Variants in ZFAND6 observed in about 807,000 individuals in gnomAD.
ZFAND6 encodes zinc finger AN1-type containing 6.
ZFAND6 carries 12 observed loss-of-function variants against 24.5 expected under a neutral mutation model. The ratio of observed to expected loss-of-function variants is 0.49; its 90% CI spans 0.31 to 0.79. The LOEUF (loss-of-function observed/expected upper bound fraction) is 0.79, where lower values mean the gene tolerates loss of function less well. Among genes scored for constraint, ZFAND6 ranks in the 30% least tolerant of loss-of-function variants. ZFAND6 has a pLI of 0.04. For synonymous variants in ZFAND6, 92 were observed against 81.5 expected, an observed-to-expected ratio of 1.13 and a Z score of -0.69; for missense variants, 207 against 245.9, an observed-to-expected ratio of 0.84 and a Z score of 1.06.
intron 1 of ZFAND6, among the ~76,000 whole-genome samples, chr15:80,096,999 A>ATT (rs766620204): frequency 1.1e-3 from 153 of 138,756 alleles, no homozygotes; most frequent in African/African-American, 3.5e-3. Context: ...AATGTGTTAG[A>ATT]TTTTTTTTTT....
chr15:80,096,210 A>G (rs1224847682), intron 1 of ZFAND6, among the ~76,000 whole-genome samples: 40 of 152,250 alleles, frequency 2.6e-4, no homozygotes, highest in Admixed American at 2.6e-3. Context: ...TTAAGCGTGC[A>G]TGTAAAACTC....
intron 1 of ZFAND6, among the ~76,000 whole-genome samples, chr15:80,087,474 G>C (rs1412244176): frequency 6.6e-6 from 1 of 152,158 alleles, no homozygotes; most frequent in Non-Finnish European, 1.5e-5. Context: ...TCATTCCAAT[G>C]CTCATTCTCC....
intron 2 of ZFAND6, chr15:80,112,932 A>T (rs1476422285): frequency 4.5e-6 from 2 of 448,278 alleles, no homozygotes; most frequent in African/African-American, 4.0e-5. Context: ...TCTGGGATCC[A>T]TTTGATACAA....
intron 2 of ZFAND6, among the ~76,000 whole-genome samples, chr15:80,110,968 T>C (rs776079857): frequency 6.6e-6 from 1 of 152,102 alleles, no homozygotes; most frequent in Non-Finnish European, 1.5e-5. Context: ...GCAAATGAAA[T>C]GGTCTTCCTG....
chr15:80,082,414 A>G (rs890673294), intron 1 of ZFAND6, among the ~76,000 whole-genome samples: 1 of 152,222 alleles, frequency 6.6e-6, no homozygotes, highest in Non-Finnish European at 1.5e-5. Flanking sequence ...GGACAAATTG[A>G]CAAAGGTTAT....
At chr15:80,119,378 A>C (rs1231361838) in intron 2 of ZFAND6, among the ~76,000 whole-genome samples, 1 of 152,212 alleles carries the variant, frequency 6.6e-6, no homozygotes, top group East Asian at 1.9e-4. Flanking sequence ...ATCAGGGAAA[A>C]ACACTAGCTT....
At chr15:80,116,706 C>T (rs1477018936) in intron 2 of ZFAND6, among the ~76,000 whole-genome samples, 1 of 152,148 alleles carries the variant, frequency 6.6e-6, no homozygotes, top group African/African-American at 2.4e-5. Context: ...TGAAACCATA[C>T]AAGACAAGCT....
At chr15:80,067,797 A>G (rs1366168144) in intron 1 of ZFAND6, among the ~76,000 whole-genome samples, 3 of 152,086 alleles carry the variant, frequency 2.0e-5, no homozygotes, top group Non-Finnish European at 4.4e-5. Context: ...GACTATTGAG[A>G]TATGGCAAGT....
intron 5 of ZFAND6, among the ~76,000 whole-genome samples, chr15:80,123,643 TATA>T (rs1220696305): frequency 6.6e-6 from 1 of 152,230 alleles, no homozygotes; most frequent in African/African-American, 2.4e-5. Context: ...GGCTTGTGCC[TATA>T]ATCCCTACCT....
chr15:80,071,311 A>T (rs1342043085), intron 1 of ZFAND6, among the ~76,000 whole-genome samples: 1 of 152,192 alleles, frequency 6.6e-6, no homozygotes, highest in Non-Finnish European at 1.5e-5. Flanking sequence ...TTCTGATGCA[A>T]ACCATACATT....
intron 2 of ZFAND6, among the ~76,000 whole-genome samples, chr15:80,117,098 ACT>A (rs1297428762): frequency 1.3e-5 from 2 of 152,172 alleles, no homozygotes; most frequent in African/African-American, 4.8e-5. Context: ...CTTATCAGAA[ACT>A]CTCAGAATAT....
intron 2 of ZFAND6, among the ~76,000 whole-genome samples, chr15:80,099,452 A>G (rs1489879143): frequency 1.3e-5 from 2 of 152,192 alleles, no homozygotes; most frequent in Non-Finnish European, 2.9e-5. Context: ...TCACTGAGGC[A>G]TGGAGTAGAA....
intron 5 of ZFAND6, chr15:80,130,100 A>G (rs1222767463): frequency 6.6e-6 from 1 of 152,224 alleles, no homozygotes; most frequent in Non-Finnish European, 1.5e-5. Flanking sequence ...AGGGAACACC[A>G]TTAGATTTTC....
intron 1 of ZFAND6, chr15:80,060,826 CA>C (rs1427923698): frequency 6.6e-6 from 1 of 152,284 alleles, no homozygotes; most frequent in Non-Finnish European, 1.5e-5. Flanking sequence ...GAGGCTGAGG[CA>C]GGAGCATCGC....
At chr15:80,067,892 A>G (rs2036739598) in intron 1 of ZFAND6, among the ~76,000 whole-genome samples, 1 of 152,202 alleles carries the variant, frequency 6.6e-6, no homozygotes. Context: ...AATATTACAT[A>G]TTGAAGTAGT....
At chr15:80,114,063 AGT>A (rs1474638630) in intron 2 of ZFAND6, among the ~76,000 whole-genome samples, 2 of 152,174 alleles carry the variant, frequency 1.3e-5, no homozygotes, top group Non-Finnish European at 2.9e-5. Context: ...TGTTTCCAAG[AGT>A]GAGCATGATT....
At chr15:80,120,634 C>G (rs996329514) in intron 3 of ZFAND6, 136 bp downstream of exon 3, 1 of 691,780 alleles carries the variant, frequency 1.4e-6, no homozygotes, top group African/African-American at 1.9e-5. Flanking sequence ...TCTCATTACA[C>G]ATTGTGATTA....
At chr15:80,125,804 A>G (rs1186493670) in intron 5 of ZFAND6, among the ~76,000 whole-genome samples, 1 of 152,222 alleles carries the variant, frequency 6.6e-6, no homozygotes, top group East Asian at 1.9e-4. Context: ...ATTTGGATTC[A>G]TAAGTTCTAT....
At chr15:80,065,184 C>T (rs971119494) in intron 1 of ZFAND6, among the ~76,000 whole-genome samples, 27 of 150,706 alleles carry the variant, frequency 1.8e-4, no homozygotes, top group Non-Finnish European at 8.9e-5. Flanking sequence ...CTGTCTTTTT[C>T]TGTTCATCTG....
Sources: gnomAD v4.1 joint callset for allele counts (sites outside exome capture counted in the v4.1 genomes callset) on GRCh38, gnomAD v4.1.1 for gene constraint, MANE v1.5 for transcripts, NCBI Gene and HGNC (gene_info 2026-07-23, HGNC 2026-07-21) for gene names.